Variants in SCFD2 observed in about 807,000 individuals in gnomAD.
The protein encoded by SCFD2 is sec1 family domain containing 2.
In SCFD2, 54 loss-of-function variants were observed where a neutral mutation model predicts 58.9. The ratio of observed to expected loss-of-function variants is 0.92; its 90% CI spans 0.74 to 1.15. The LOEUF (loss-of-function observed/expected upper bound fraction) is 1.15, where lower values mean the gene tolerates loss of function less well. SCFD2 is among the 50% of genes most tolerant of loss of function. The pLI, the probability that SCFD2 is intolerant of heterozygous loss-of-function variation, is 0.00. For synonymous variants in SCFD2, 321 were observed against 335.9 expected (o/e 0.96, Z 0.49); for missense variants, 805 against 836.6 (o/e 0.96, Z 0.47).
intron 5 of SCFD2, among the ~76,000 whole-genome samples, chr4:53,129,239 A>AAAACC (rs1463735440): frequency 6.6e-6 from 1 of 151,994 alleles, no homozygotes; most frequent in African/African-American, 2.4e-5. Flanking sequence ...AAAACAAAAC[A>AAAACC]AAACAAAACA....
At chr4:53,297,912 G>A (rs1042288656) in intron 3 of SCFD2, among the ~76,000 whole-genome samples, 8 of 152,176 alleles carry the variant, frequency 5.3e-5, no homozygotes, top group African/African-American at 1.9e-4. Context: ...CTTCACTTAT[G>A]AAGCCTTTTT....
chr4:53,025,330 C>T (rs1722447491), intron 5 of SCFD2, among the ~76,000 whole-genome samples: 1 of 152,154 alleles, frequency 6.6e-6, no homozygotes, highest in African/African-American at 2.4e-5. Context: ...AGAAAATCAA[C>T]ATTAAAATAA....
chr4:53,048,137 G>C (rs1208891129), intron 5 of SCFD2, among the ~76,000 whole-genome samples: 1 of 152,130 alleles, frequency 6.6e-6, no homozygotes, highest in Non-Finnish European at 1.5e-5. Context: ...GGTCACCTGA[G>C]GTCAGGAGTT....
chr4:53,335,588 G>C (rs923860703), intron 2 of SCFD2, among the ~76,000 whole-genome samples: 2 of 152,090 alleles, frequency 1.3e-5, no homozygotes, highest in African/African-American at 4.8e-5. Flanking sequence ...CCCTTTGAGA[G>C]AAATAAATAC....
chr4:53,213,704 A>G (rs1174882462), intron 4 of SCFD2, among the ~76,000 whole-genome samples: 2 of 152,024 alleles, frequency 1.3e-5, no homozygotes, highest in Admixed American at 1.3e-4. Flanking sequence ...TGTGCAAAAC[A>G]TGAAGGTTAG....
intron 5 of SCFD2, among the ~76,000 whole-genome samples, chr4:53,095,318 C>A (rs979452363): frequency 3.9e-5 from 6 of 152,134 alleles, no homozygotes; most frequent in Non-Finnish European, 5.9e-5. Context: ...TAACTCCAAT[C>A]CCTCTAGCTG....
intron 4 of SCFD2, among the ~76,000 whole-genome samples, chr4:53,153,032 G>A (rs1726559015): frequency 6.6e-6 from 1 of 152,212 alleles, no homozygotes; most frequent in Non-Finnish European, 1.5e-5. Context: ...TGCTGTCATG[G>A]GTCAGAGGTA....
At chr4:53,228,575 T>C (rs1729308684) in intron 4 of SCFD2, among the ~76,000 whole-genome samples, 3 of 152,176 alleles carry the variant, frequency 2.0e-5, no homozygotes, top group Admixed American at 1.3e-4. Context: ...CAACAACACT[T>C]CATGCTAAAA....
intron 4 of SCFD2, among the ~76,000 whole-genome samples, chr4:53,213,850 C>G (rs1728709175): frequency 6.6e-6 from 1 of 152,070 alleles, no homozygotes; most frequent in African/African-American, 2.4e-5. Flanking sequence ...GTTCCGCTTC[C>G]TGTGTCCATG....
At chr4:53,193,204 T>C (rs1394574332) in intron 4 of SCFD2, among the ~76,000 whole-genome samples, 2 of 152,128 alleles carry the variant, frequency 1.3e-5, no homozygotes, top group Admixed American at 6.6e-5. Flanking sequence ...ACAAAATTCA[T>C]CTGTAAAGGA....
At chr4:53,212,660 A>G (rs1234105091) in intron 4 of SCFD2, among the ~76,000 whole-genome samples, 1 of 151,216 alleles carries the variant, frequency 6.6e-6, no homozygotes, top group Non-Finnish European at 1.5e-5. Context: ...CTATAAACAA[A>G]TGATTAATAT....
chr4:53,099,324 A>G (rs138781062), intron 5 of SCFD2, among the ~76,000 whole-genome samples: 29 of 152,332 alleles, frequency 1.9e-4, no homozygotes, highest in African/African-American at 7.0e-4. Context: ...GTAAGTTATC[A>G]TTACATTCCT....
At chr4:52,931,357 G>A (rs2109498418) in intron 5 of SCFD2, among the ~76,000 whole-genome samples, 1 of 152,258 alleles carries the variant, frequency 6.6e-6, no homozygotes, top group Non-Finnish European at 1.5e-5. Context: ...GAGCTATGCT[G>A]CACCTGATAG....
chr4:53,342,011 T>C (rs1345374801), intron 2 of SCFD2, among the ~76,000 whole-genome samples: 2 of 152,038 alleles, frequency 1.3e-5, no homozygotes, highest in Non-Finnish European at 2.9e-5. Context: ...ACATACCAAA[T>C]TGCAAAGACC....
chr4:52,886,239 C>T (rs1297483302), intron 7 of SCFD2, among the ~76,000 whole-genome samples: 1 of 152,098 alleles, frequency 6.6e-6, no homozygotes, highest in Non-Finnish European at 1.5e-5. Flanking sequence ...TGCTTACTTG[C>T]AAACCAATCA....
At chr4:53,239,676 G>T (rs1309712531) in intron 4 of SCFD2, among the ~76,000 whole-genome samples, 1 of 152,054 alleles carries the variant, frequency 6.6e-6, no homozygotes, top group Non-Finnish European at 1.5e-5. Context: ...GTAGAGACGG[G>T]TTTTTCCATG....
chr4:53,363,482 T>C (rs763352885), intron 1 of SCFD2, among the ~76,000 whole-genome samples: 2 of 152,042 alleles, frequency 1.3e-5, no homozygotes, highest in Non-Finnish European at 2.9e-5. Context: ...TATTGATACT[T>C]GACTACATTA....
intron 4 of SCFD2, among the ~76,000 whole-genome samples, chr4:53,230,521 G>A (rs1445396682): frequency 6.7e-6 from 1 of 149,672 alleles, no homozygotes; most frequent in Non-Finnish European, 1.5e-5. Context: ...CTATCGCAAG[G>A]ACAAAAAACC....
chr4:53,333,477 C>T (rs1261006436), intron 2 of SCFD2, among the ~76,000 whole-genome samples: 8 of 147,908 alleles, frequency 5.4e-5, no homozygotes, highest in African/African-American at 1.5e-4. Flanking sequence ...TTTGACAAAC[C>T]TGAGAAAAAC....
Sources: allele counts gnomAD v4.1 joint callset (sites outside exome capture counted in the v4.1 genomes callset), GRCh38; gene constraint gnomAD v4.1.1; transcripts MANE v1.5; gene names NCBI Gene and HGNC (gene_info 2026-07-23, HGNC 2026-07-21).